Variants in AIFM2 observed in about 807,000 individuals in gnomAD.
The protein encoded by AIFM2 is AIF family member 2, ferroptosis suppressor.
AIFM2 carries 38 observed loss-of-function variants against 35.7 expected under a neutral mutation model. The observed-to-expected ratio is 1.06, with a 90% CI of 0.82 to 1.39. The LOEUF is 1.39. Among genes scored for constraint, AIFM2 ranks in the 40% most tolerant of loss-of-function variants. The probability of loss-of-function intolerance (pLI) is 0.00; values close to 1 mark genes in which losing one functional copy is unlikely to be tolerated. For synonymous variants in AIFM2, 185 were observed against 203.5 expected (o/e 0.91, Z 0.77); for missense variants, 476 against 491.2 (o/e 0.97, Z 0.29).
intron 1 of AIFM2, among the ~76,000 whole-genome samples, chr10:70,127,677 G>A (rs867741121): frequency 2.6e-5 from 4 of 152,188 alleles, no homozygotes; most frequent in Admixed American, 1.3e-4. Flanking sequence ...GACCAAAGGA[G>A]CCAAGCCCTT....
chr10:70,127,693 C>T (rs1353759833), intron 1 of AIFM2, among the ~76,000 whole-genome samples: 1 of 152,182 alleles, frequency 6.6e-6, no homozygotes, highest in Non-Finnish European at 1.5e-5. Context: ...CCCTTGACCC[C>T]CAGGCCCCTA....
chr10:70,128,766 CAGG>C (rs2072596625), intron 1 of AIFM2, among the ~76,000 whole-genome samples: 1 of 152,188 alleles, frequency 6.6e-6, no homozygotes, highest in Non-Finnish European at 1.5e-5. Flanking sequence ...GAGGCAAAGG[CAGG>C]AGGACTGCTT....
intron 1 of AIFM2, 89 bp from the exon 2 acceptor site, chr10:70,124,186 T>C (rs1202648527): frequency 1.3e-5 from 13 of 1,026,594 alleles, no homozygotes; most frequent in African/African-American, 5.0e-5. Context: ...CGATCATGAA[T>C]TGACCTTTTT....
intron 1 of AIFM2, among the ~76,000 whole-genome samples, chr10:70,130,700 G>A (rs2072618448): frequency 6.6e-6 from 1 of 152,074 alleles, no homozygotes; most frequent in Non-Finnish European, 1.5e-5. Context: ...GGAATTGCTG[G>A]GTCATATGGT....
chr10:70,129,010 T>A (rs1017775067), intron 1 of AIFM2, among the ~76,000 whole-genome samples: 1 of 152,134 alleles, frequency 6.6e-6, no homozygotes, highest in Non-Finnish European at 1.5e-5. Context: ...GCAATATTTA[T>A]TTATTTATTT....
In AIFM2 at chr10:70,131,219, G is replaced by A. The variant is rs558682113; in HGVS notation, c.-14+1515C>T. Among the ~76,000 whole-genome samples, 3 of 152,262 alleles carry A rather than the reference G, an allele frequency of 2.0e-5. No individual in the cohort carries two copies. Among genetic ancestry groups the A allele is most frequent in the African/African-American group, 7.2e-5 (3 of 41,540 alleles). On this transcript the variant is annotated intron_variant, in intron 1 of 8. Coordinates refer to ENST00000307864, the MANE Select transcript of AIFM2 (RefSeq NM_032797.6). This position sits in a 1 kb window ranked among gnomAD's most constrained non-coding sequence, Gnocchi z 4.1. ...AATAAAACACGATGCTTTTTGAGTCGTCATGGCTCACACAAAGGGTAGGTT... is the reference window on the plus strand; with the variant it reads ...AATAAAACACGATGCTTTTTGAGTCATCATGGCTCACACAAAGGGTAGGTT...
At chr10:70,119,007 G>A (rs1187248211) in intron 5 of AIFM2, among the ~76,000 whole-genome samples, 2 of 152,124 alleles carry the variant, frequency 1.3e-5, no homozygotes, top group East Asian at 3.9e-4. Context: ...GCTGGAGATT[G>A]AGGTCATAAT....
chr10:70,117,335 G>T lies in AIFM2; in HGVS notation c.616+477C>A, dbSNP rs184112888. ...TGCAGTGAAGTGTAGGGGCCACAGC[G>T]CTGGAAGAGAACCTCACTTTCCAGC... On this transcript the variant is annotated intron_variant, in intron 6 of 8. Coordinates refer to ENST00000307864, the MANE Select transcript of AIFM2 (RefSeq NM_032797.6). The surrounding 1 kb of genome is among the most constrained non-coding windows in gnomAD (Gnocchi z 4.7). Among the ~76,000 whole-genome samples the T allele has an allele frequency of 6.6e-6, 1 of 152,190 alleles. No individual in the cohort carries two copies. The highest frequency in any genetic ancestry group is 1.5e-5 in the Non-Finnish European group (1 of 68,044).
At chr10:70,129,721 A>G (rs993335263) in intron 1 of AIFM2, among the ~76,000 whole-genome samples, 11 of 152,276 alleles carry the variant, frequency 7.2e-5, no homozygotes, top group African/African-American at 2.4e-4. Flanking sequence ...TCAAACAAGC[A>G]TATGTCATTT....
At position 70,117,261 on chromosome 10, in the gene AIFM2, AG is replaced by A. The variant is rs1005048778; in HGVS notation, c.617-488del. 3.9e-5 allele frequency among the ~76,000 whole-genome samples: 6 copies of A among 152,332 alleles called. No individual in the cohort carries two copies. Among genetic ancestry groups the A allele is most frequent in the Admixed American group, 3.3e-4 (5 of 15,310 alleles). On this transcript the variant is annotated intron_variant, in intron 6 of 8. Coordinates refer to ENST00000307864, the MANE Select transcript of AIFM2 (RefSeq NM_032797.6). The surrounding 1 kb of genome is among the most constrained non-coding windows in gnomAD (Gnocchi z 4.7). ...TGAGGCAGCCATGCGGGCCCTTCAC[AG>A]GACAGGTGCCTCACCCTCCCGCAAA...
chr10:70,116,250 G>C (rs141830540), intron 7 of AIFM2, among the ~76,000 whole-genome samples: 2 of 152,334 alleles, frequency 1.3e-5, no homozygotes, highest in Non-Finnish European at 2.9e-5. Context: ...GTTTTGATCT[G>C]GGTTTGGGGG....
intron 5 of AIFM2, chr10:70,118,177 C>T (rs1280261912): frequency 2.4e-6 from 1 of 411,942 alleles, no homozygotes; most frequent in East Asian, 4.9e-5. Context: ...CATGTCACAA[C>T]CTACACCTCA....
chr10:70,119,625 T>C lies in AIFM2; in HGVS notation c.507+882A>G, dbSNP rs111478136. Among the ~76,000 whole-genome samples the C allele has an allele frequency of 8.6e-3, 1,310 of 152,286 alleles. 26 individuals carry two copies. Among genetic ancestry groups the C allele is most frequent in the African/African-American group, 0.03 (1,243 of 41,538 alleles). On this transcript the variant is annotated intron_variant, in intron 5 of 8. Transcript: ENST00000307864. ...AAATGAATGAATGTAACTAGATCAA[T>C]CACTCATCATAATTTCCAACAATTT...
chr10:70,127,479 G>A (rs1293037786), intron 1 of AIFM2, among the ~76,000 whole-genome samples: 1 of 152,222 alleles, frequency 6.6e-6, no homozygotes, highest in African/African-American at 2.4e-5. Flanking sequence ...TAGAGTTCAG[G>A]GCACCTGTGG....
chr10:70,117,072 C>T lies in AIFM2; in HGVS notation c.617-298G>A, dbSNP rs2072445490. Among the ~76,000 whole-genome samples the T allele has an allele frequency of 1.3e-5, 2 of 152,238 alleles. No individual in the cohort carries two copies. On this transcript the variant is annotated intron_variant, in intron 6 of 8. Transcript: ENST00000307864. This position sits in a 1 kb window ranked among gnomAD's most constrained non-coding sequence, Gnocchi z 4.7. ...GCTGTTTAATGGAAGATCTCAGACG[C>T]GCCTCTTATGAGTGCCAGCCGTGCC... is the stretch of plus-strand genomic sequence containing the variant.
chr10:70,132,729 C>A lies in AIFM2; in HGVS notation c.-14+5G>T. On this transcript the variant is annotated splice_donor_5th_base_variant and intron_variant, in intron 1 of 8. Transcript: ENST00000307864. ...TCGAGAGCCCGCCTGGCGGCGCGATCTCACCTGTCGGCCGCGCCCGCGCGC... is the reference window on the plus strand; with the variant it reads ...TCGAGAGCCCGCCTGGCGGCGCGATATCACCTGTCGGCCGCGCCCGCGCGC... 6.6e-6 allele frequency: 1 copy of A among 152,312 alleles called. No individual in the cohort carries two copies. Among genetic ancestry groups the A allele is most frequent in the South Asian group, 1.8e-4 (1 of 5,464 alleles). 9.4% of individuals were successfully genotyped at this position (152,312 alleles called of 1,614,324 possible). A position where few individuals can be genotyped will look rare whatever the true frequency, so the allele number is the denominator to read the frequency against.
chr10:70,130,444 T>A (rs2072616017), intron 1 of AIFM2, among the ~76,000 whole-genome samples: 2 of 152,218 alleles, frequency 1.3e-5, no homozygotes, highest in African/African-American at 4.8e-5. Flanking sequence ...CGTCTTCCAC[T>A]GATCATCATG....
chr10:70,117,749 A>C lies in AIFM2; in HGVS notation c.616+63T>G. 1 of 1,371,402 alleles carries C rather than the reference A, an allele frequency of 7.3e-7. No homozygotes were observed. Among genetic ancestry groups the C allele is most frequent in the Non-Finnish European group, 1.0e-6 (1 of 998,944 alleles). 85.0% of individuals were successfully genotyped at this position (1,371,402 alleles called of 1,614,324 possible). ...ACCCTCCTGCTGGAAGCAGTCACCA[A>C]GCCTCCAAGCCACATCTCACCAGGC... On this transcript the variant is annotated intron_variant, in intron 6 of 8. Transcript: ENST00000307864. The surrounding 1 kb of genome is among the most constrained non-coding windows in gnomAD (Gnocchi z 4.7).
In AIFM2 at chr10:70,118,120, C is replaced by T. The variant is rs142282827; in HGVS notation, c.508-200G>A. 1,796 of 515,310 alleles carry T rather than the reference C, an allele frequency of 3.5e-3. 18 individuals are homozygous for T. The highest frequency in any genetic ancestry group is 0.016 in the African/African-American group (813 of 49,592). The allele number at this position is 515,310 out of a possible 1,614,324, so 31.9% of individuals were successfully genotyped here. On this transcript the variant is annotated intron_variant, in intron 5 of 8. Coordinates refer to ENST00000307864, the MANE Select transcript of AIFM2 (RefSeq NM_032797.6). ...CACATGTTCTAGACTAGGACTCTTT[C>T]AGTACCCTCCTGCCACACCCAGGCC...
Sources: allele counts gnomAD v4.1 joint callset (sites outside exome capture counted in the v4.1 genomes callset), GRCh38; gene constraint gnomAD v4.1.1; non-coding constraint Gnocchi (gnomAD v3.1); transcripts MANE v1.5; gene names NCBI Gene and HGNC (gene_info 2026-07-23, HGNC 2026-07-21).